DEUP1: variants seen among roughly 807,000 people sequenced by gnomAD.
DEUP1 encodes deuterosome assembly protein 1, also known as coiled-coil domain containing 67.
DEUP1 carries 82 observed loss-of-function variants against 87.4 expected under a neutral mutation model. The ratio of observed to expected loss-of-function variants is 0.94; its 90% confidence interval spans 0.78 to 1.13. The LOEUF (loss-of-function observed/expected upper bound fraction) is 1.13, where lower values mean the gene tolerates loss of function less well. DEUP1 is among the 50% of genes most tolerant of loss of function. The pLI, the probability that DEUP1 is intolerant of heterozygous loss-of-function variation, is 0.00. For missense variants in DEUP1, 663 were observed against 681.5 expected (o/e 0.97, Z 0.30); for synonymous variants, 214 against 222.7 (o/e 0.96, Z 0.35).
At chr11:93,377,502 A>G (rs1946093808) in intron 7 of DEUP1, among the ~76,000 whole-genome samples, 1 of 151,988 alleles carries the variant, frequency 6.6e-6, no homozygotes, top group African/African-American at 2.4e-5. Context: ...AGTTTGTGTG[A>G]GTCCTTATGT....
At chr11:93,431,130 A>G in intron 13 of DEUP1, among the ~76,000 whole-genome samples, 1 of 151,646 alleles carries the variant, frequency 6.6e-6, no homozygotes, top group East Asian at 1.9e-4. Flanking sequence ...GAAAGAAAAT[A>G]TCAAATAGTG....
At chr11:93,361,254 A>G (rs1394151786) in intron 4 of DEUP1, among the ~76,000 whole-genome samples, 1 of 152,192 alleles carries the variant, frequency 6.6e-6, no homozygotes, top group Admixed American at 6.5e-5. Flanking sequence ...TGTTGCTGGC[A>G]GACCTACCCT....
intron 2 of DEUP1, among the ~76,000 whole-genome samples, chr11:93,348,810 C>T (rs1468571003): frequency 6.6e-6 from 1 of 152,110 alleles, no homozygotes; most frequent in African/African-American, 2.4e-5. Flanking sequence ...TATTAGTGCT[C>T]CTTTCACTTT....
At position 93,396,386 on chromosome 11, in the gene DEUP1, A is replaced by G. The variant is rs16918888; in HGVS notation, c.1326+61A>G. On this transcript the variant is annotated intron_variant, in intron 11 of 13. Transcript: ENST00000298050. ...GAGATTACTGAATTGGTCACGATTA[A>G]CCTAGACATCATTTATTGAGCACTT... 2.3e-3 allele frequency: 2,363 copies of G among 1,017,558 alleles called. 47 individuals carry two copies. The African/African-American group carries it at 0.034, about 15-fold the overall frequency. The allele number at this position is 1,017,558 out of a possible 1,614,324, so 63.0% of individuals were successfully genotyped here.
chr11:93,435,995 C>CA lies in DEUP1; in HGVS notation c.1639-1530dup, dbSNP rs34570659. ...TGGGCGACAGAGTGAGACTCCGTCTCAAAAAAAAAAAAAAAAAATTTTTTC... is the reference window on the plus strand; with the variant it reads ...TGGGCGACAGAGTGAGACTCCGTCTCAAAAAAAAAAAAAAAAAAATTTTTTC... On this transcript the variant is annotated intron_variant, in intron 13 of 13. Transcript: ENST00000298050. Among the ~76,000 whole-genome samples, 118 of 126,520 alleles carry CA rather than the reference C, an allele frequency of 9.3e-4. 1 individual carries two copies. In the East Asian group the frequency reaches 0.01, roughly 11 times the overall value. 83.0% of individuals were successfully genotyped at this position (126,520 alleles called of 152,430 possible). A position where few individuals can be genotyped will look rare whatever the true frequency, so the allele number is the denominator to read the frequency against.
chr11:93,339,705 C>G (rs144481529), intron 2 of DEUP1, among the ~76,000 whole-genome samples: 9 of 152,124 alleles, frequency 5.9e-5, no homozygotes, highest in Non-Finnish European at 1.0e-4. Context: ...GTAATGATAA[C>G]GAGGGAACCC....
At chr11:93,408,146 T>C (rs1947335686) in intron 11 of DEUP1, 85 bp from the exon 12 acceptor site, 1 of 1,010,228 alleles carries the variant, frequency 9.9e-7, no homozygotes, top group African/African-American at 1.7e-5. Context: ...AAAGGGCCTT[T>C]CCAGCACAAG....
At chr11:93,335,297 C>A (rs1565287348) in intron 2 of DEUP1, among the ~76,000 whole-genome samples, 3 of 152,122 alleles carry the variant, frequency 2.0e-5, no homozygotes, top group African/African-American at 7.2e-5. Context: ...TAAGATTATT[C>A]TTGTAGTCTA....
intron 5 of DEUP1, among the ~76,000 whole-genome samples, chr11:93,364,991 G>T (rs1273653775): frequency 6.6e-6 from 1 of 152,056 alleles, no homozygotes; most frequent in Non-Finnish European, 1.5e-5. Flanking sequence ...ACAGCAGAAA[G>T]ATTACACTAT....
intron 7 of DEUP1, among the ~76,000 whole-genome samples, chr11:93,380,104 T>G (rs558497407): frequency 2.0e-5 from 3 of 152,260 alleles, no homozygotes; most frequent in Non-Finnish European, 4.4e-5. Context: ...CAGCATCTAG[T>G]GGGTAGAGGC....
chr11:93,379,784 G>A (rs1484956972), intron 7 of DEUP1, among the ~76,000 whole-genome samples: 2 of 151,916 alleles, frequency 1.3e-5, no homozygotes, highest in East Asian at 1.9e-4. Flanking sequence ...TGGGTTGCCT[G>A]GGCTAAGGAA....
At chr11:93,399,261 A>G (rs1165517397) in intron 11 of DEUP1, among the ~76,000 whole-genome samples, 4 of 151,224 alleles carry the variant, frequency 2.6e-5, no homozygotes, top group Non-Finnish European at 5.9e-5. Context: ...TCTTTAATCC[A>G]TTTATTTTGC....
intron 2 of DEUP1, among the ~76,000 whole-genome samples, chr11:93,333,382 T>C (rs959520726): frequency 6.6e-6 from 1 of 152,156 alleles, no homozygotes; most frequent in Non-Finnish European, 1.5e-5. Context: ...ATCATAAGTG[T>C]GCTCTGCCAT....
rs1302437188 is a variant in DEUP1, at chr11:93,438,312, C to T, written c.*593C>T. On this transcript the variant is annotated 3_prime_UTR_variant, in exon 14 of 14. Coordinates refer to ENST00000298050, the MANE Select transcript of DEUP1 (RefSeq NM_181645.4). The stretch of plus-strand genomic sequence containing the variant: ...GAAGGTATATGGAATGTGCAATTTA[C>T]AAACCTAAAATATATGTGCCAAAAA... 1 of 152,064 alleles carries T rather than the reference C, an allele frequency of 6.6e-6. No individual in the cohort carries two copies. Among genetic ancestry groups the T allele is most frequent in the Non-Finnish European group, 1.5e-5 (1 of 68,024 alleles). The allele number at this position is 152,064 out of a possible 1,614,324, so 9.4% of individuals were successfully genotyped here. A position where few individuals can be genotyped will look rare whatever the true frequency, so the allele number is the denominator to read the frequency against.
chr11:93,396,121 G>A (rs1030435481), intron 10 of DEUP1, 118 bp from the exon 11 acceptor site: 17 of 682,230 alleles, frequency 2.5e-5, no homozygotes, highest in East Asian at 8.3e-5. Flanking sequence ...TGGTCGTACC[G>A]AAGAAGTGTT....
At chr11:93,418,339 A>G (rs1338228662) in intron 13 of DEUP1, among the ~76,000 whole-genome samples, 1 of 152,026 alleles carries the variant, frequency 6.6e-6, no homozygotes, top group African/African-American at 2.4e-5. Context: ...TTACAAGAAA[A>G]AAACAAACAA....
intron 9 of DEUP1, among the ~76,000 whole-genome samples, chr11:93,391,785 C>A (rs968883766): frequency 6.6e-6 from 1 of 151,484 alleles, no homozygotes; most frequent in African/African-American, 2.4e-5. Context: ...TCAGCAAAAT[C>A]CATACTGGGA....
intron 4 of DEUP1, among the ~76,000 whole-genome samples, chr11:93,359,581 C>G (rs138304010): frequency 1.3e-5 from 2 of 152,214 alleles, no homozygotes; most frequent in East Asian, 3.9e-4. Flanking sequence ...CCTCATATAT[C>G]TCAGACTGAG....
chr11:93,350,513 G>T lies in DEUP1; in HGVS notation c.30-4858G>T, dbSNP rs189412111. Among the ~76,000 whole-genome samples the T allele has an allele frequency of 3.2e-3, 492 of 152,238 alleles. 2 individuals are homozygous for T. Among genetic ancestry groups the T allele is most frequent in the African/African-American group, 0.011 (459 of 41,528 alleles). On this transcript the variant is annotated intron_variant, in intron 2 of 13. Transcript: ENST00000298050. ...CAGACCTAGGATGGATAACTTATTT[G>T]CAGTGATATTGAAAAACAGGTCACA...
Sources: gnomAD v4.1 joint callset for allele counts (sites outside exome capture counted in the v4.1 genomes callset) on GRCh38, gnomAD v4.1.1 for gene constraint, MANE v1.5 for transcripts, NCBI Gene and HGNC (gene_info 2026-07-23, HGNC 2026-07-21) for gene names.